Variants in EPHA5 observed in about 807,000 individuals in gnomAD.
EPHA5 encodes the protein ephrin type-A receptor 5.
EPHA5 carries 60 observed loss-of-function variants against 105.0 expected under a neutral mutation model. The observed-to-expected ratio is 0.57, with a 90% CI of 0.46 to 0.71. The LOEUF is 0.71. EPHA5 is among the 30% of genes least tolerant of loss of function. The probability of loss-of-function intolerance (pLI) is 0.00; values close to 1 mark genes in which losing one functional copy is unlikely to be tolerated. For synonymous variants in EPHA5, 513 were observed against 449.1 expected, an observed-to-expected ratio of 1.14 and a Z score of -1.80; for missense variants, 1,218 against 1,274.7, an observed-to-expected ratio of 0.96 and a Z score of 0.68.
intron 2 of EPHA5, among the ~76,000 whole-genome samples, chr4:65,602,821 C>G (rs778887240): frequency 3.9e-5 from 6 of 151,988 alleles, no homozygotes; most frequent in Non-Finnish European, 7.4e-5. Flanking sequence ...TGTCATGTCA[C>G]AAATAACACA....
At chr4:65,514,041 C>T (rs1733877417) in intron 3 of EPHA5, among the ~76,000 whole-genome samples, 1 of 152,100 alleles carries the variant, frequency 6.6e-6, no homozygotes, top group African/African-American at 2.4e-5. Context: ...ATTCTCTTTA[C>T]CTTTTTGCAC....
At position 65,365,171 on chromosome 4, in the gene EPHA5, C is replaced by A. The variant is rs751094091; in HGVS notation, c.2019G>T (p.Leu673Phe). 19 of 1,610,724 alleles carry A rather than the reference C, an allele frequency of 1.2e-5. No individual in the cohort carries two copies. Among genetic ancestry groups the A allele is most frequent in the Non-Finnish European group, 1.6e-5 (19 of 1,177,984 alleles). Reference protein sequence around the residue: ...GEFGEVCSGRLKLPGKRELPV... With the variant: ...GEFGEVCSGRFKLPGKRELPV... ...GTAATTCTCTTTTTCCTGGTAGTTT[C>A]AAACGTCCACTACAAACTTCACCAA... is the stretch of plus-strand genomic sequence containing the variant. Residue 673 changes from leucine (L) to phenylalanine (F), a missense_variant, in exon 11 of 17, where the codon TTG becomes TTT. Physicochemically the swap from Leu to Phe is conservative, Grantham distance 22. Coordinates refer to ENST00000613740, the MANE Select transcript of EPHA5 (RefSeq NM_001281766.3).
chr4:65,477,928 T>G (rs531561088), intron 5 of EPHA5, among the ~76,000 whole-genome samples: 1 of 152,126 alleles, frequency 6.6e-6, no homozygotes, highest in Non-Finnish European at 1.5e-5. Flanking sequence ...TTTTTGGAAA[T>G]GAGGTGAGTC....
chr4:65,456,327 T>G (rs1206530294), intron 5 of EPHA5, among the ~76,000 whole-genome samples: 1 of 152,052 alleles, frequency 6.6e-6, no homozygotes, highest in East Asian at 1.9e-4. Context: ...CTTCGATTTT[T>G]TTTTTTTCTT....
chr4:65,652,364 C>T (rs945223893), intron 1 of EPHA5, among the ~76,000 whole-genome samples: 16 of 152,288 alleles, frequency 1.1e-4, no homozygotes, highest in Middle Eastern at 3.4e-3. Context: ...AGGTCTGTAA[C>T]ATCAGTGACT....
chr4:65,588,854 A>G (rs1214713897), intron 3 of EPHA5, among the ~76,000 whole-genome samples: 3 of 152,104 alleles, frequency 2.0e-5, no homozygotes, highest in Non-Finnish European at 4.4e-5. Context: ...CAGTGCTCCA[A>G]TGGCCAGGGT....
chr4:65,384,139 A>C (rs1310081229), intron 8 of EPHA5, among the ~76,000 whole-genome samples: 1 of 151,826 alleles, frequency 6.6e-6, no homozygotes, highest in African/African-American at 2.4e-5. Context: ...TGGGCTAAGG[A>C]GTCACAGGAA....
At chr4:65,351,681 A>G in intron 12 of EPHA5, 83 bp from the exon 13 acceptor site, 2 of 1,205,786 alleles carry the variant, frequency 1.7e-6, no homozygotes, top group Non-Finnish European at 2.4e-6. Flanking sequence ...AATCCCCCAA[A>G]TTGATACTAT....
chr4:65,408,048 A>G (rs969426491), intron 7 of EPHA5, among the ~76,000 whole-genome samples: 8 of 152,162 alleles, frequency 5.3e-5, no homozygotes, highest in Non-Finnish European at 1.0e-4. Context: ...ACTGTTTCAC[A>G]TGCATGAATT....
chr4:65,634,606 A>C (rs1746946408), intron 2 of EPHA5, among the ~76,000 whole-genome samples: 1 of 152,078 alleles, frequency 6.6e-6, no homozygotes, highest in African/African-American at 2.4e-5. Flanking sequence ...CTAAAAAATA[A>C]TGAATACAAA....
At chr4:65,543,956 A>C (rs1320331131) in intron 3 of EPHA5, among the ~76,000 whole-genome samples, 1 of 152,104 alleles carries the variant, frequency 6.6e-6, no homozygotes, top group East Asian at 1.9e-4. Flanking sequence ...CAAACCTGAC[A>C]AACACAAGCA....
rs1038017355 is a variant in EPHA5 at position 65,670,410 on chromosome 4, C to A, written c.-668G>T. On this transcript the variant is annotated 5_prime_UTR_variant, in exon 1 of 17. Transcript: ENST00000613740. Reference sequence around the variant, plus strand: ...GCGGCCCAGGAGCTGCTGCGGTTCCCGCTGCTCGGGGAGCAGGCGGTGTGT... The same window carrying A: ...GCGGCCCAGGAGCTGCTGCGGTTCCAGCTGCTCGGGGAGCAGGCGGTGTGT... 1.3e-5 allele frequency: 3 copies of A among 233,488 alleles called. No individual in the cohort carries two copies. Among genetic ancestry groups the A allele is most frequent in the South Asian group, 3.6e-4 (2 of 5,540 alleles). 14.5% of individuals were successfully genotyped at this position (233,488 alleles called of 1,614,324 possible). A position where few individuals can be genotyped will look rare whatever the true frequency, so the allele number is the denominator to read the frequency against.
At chr4:65,432,573 G>T (rs1035344522) in intron 5 of EPHA5, among the ~76,000 whole-genome samples, 1 of 147,212 alleles carries the variant, frequency 6.8e-6, no homozygotes, top group East Asian at 1.9e-4. Flanking sequence ...TTTTGGTTTT[G>T]TTTTTCTTTT....
At chr4:65,399,410 G>C (rs1721592153) in intron 8 of EPHA5, among the ~76,000 whole-genome samples, 1 of 152,194 alleles carries the variant, frequency 6.6e-6, no homozygotes, top group Non-Finnish European at 1.5e-5. Flanking sequence ...CACAAGATGA[G>C]TGCAGCCTGC....
chr4:65,502,757 A>G (rs1354291308), intron 3 of EPHA5, among the ~76,000 whole-genome samples: 1 of 151,886 alleles, frequency 6.6e-6, no homozygotes, highest in African/African-American at 2.4e-5. Flanking sequence ...TATATCCAAA[A>G]GAAAATAAGT....
chr4:65,323,308 C>A lies in EPHA5; in HGVS notation c.*806G>T, dbSNP rs912534121. The A allele has an allele frequency of 8.7e-6, 2 of 229,634 alleles. No individual in the cohort carries two copies. The highest frequency in any genetic ancestry group is 4.4e-5 in the African/African-American group (2 of 45,088). 14.2% of individuals were successfully genotyped at this position (229,634 alleles called of 1,614,324 possible). A position where few individuals can be genotyped will look rare whatever the true frequency, so the allele number is the denominator to read the frequency against. ...CCTATTCATATTACATTCTGGAACACTTGCTCCTATATGTTGCTAAAATTG... is the reference window on the plus strand; with the variant it reads ...CCTATTCATATTACATTCTGGAACAATTGCTCCTATATGTTGCTAAAATTG... On this transcript the variant is annotated 3_prime_UTR_variant, in exon 17 of 17. Transcript: ENST00000613740.
At chr4:65,327,431 CA>C (rs1367146224) in intron 16 of EPHA5, among the ~76,000 whole-genome samples, 1 of 151,198 alleles carries the variant, frequency 6.6e-6, no homozygotes, top group Non-Finnish European at 1.5e-5. Context: ...ATCCTAAACC[CA>C]TCTCCCCAGC....
intron 1 of EPHA5, among the ~76,000 whole-genome samples, chr4:65,668,499 G>T (rs1348024817): frequency 6.6e-6 from 1 of 152,154 alleles, no homozygotes; most frequent in East Asian, 1.9e-4. Flanking sequence ...CCGCCCCTCC[G>T]CGAGTAATGC....
intron 3 of EPHA5, among the ~76,000 whole-genome samples, chr4:65,553,890 G>GA (rs1224604046): frequency 1.3e-5 from 2 of 151,948 alleles, no homozygotes; most frequent in Non-Finnish European, 2.9e-5. Flanking sequence ...CATCCTAATA[G>GA]AAAACTCTAG....
Sources: gnomAD v4.1 joint callset for allele counts (sites outside exome capture counted in the v4.1 genomes callset) on GRCh38, gnomAD v4.1.1 for gene constraint, MANE v1.5 for transcripts, NCBI Gene and HGNC (gene_info 2026-07-23, HGNC 2026-07-21) for gene names.